CASK: variants seen among roughly 807,000 people sequenced by gnomAD.
CASK encodes the protein calcium/calmodulin dependent serine protein kinase.
CASK carries 4 observed loss-of-function variants against 82.9 expected under a neutral mutation model. The ratio of observed to expected loss-of-function variants is 0.05; its 90% CI spans 0.02 to 0.11. CASK has a LOEUF of 0.11. Ranked by LOEUF, CASK falls within the 10% of genes least tolerant of loss-of-function variation. The pLI, the probability that CASK is intolerant of heterozygous loss-of-function variation, is 1.00. For missense variants in CASK, 358 were observed against 720.9 expected, an observed-to-expected ratio of 0.50 and a Z score of 5.76; for synonymous variants, 259 against 253.5, an observed-to-expected ratio of 1.02 and a Z score of -0.20.
chrX:41,598,793 T>TCC (rs1249559069), intron 12 of CASK, among the ~76,000 whole-genome samples: 1 of 112,054 alleles, frequency 8.9e-6, no homozygotes, highest in East Asian at 2.8e-4. Flanking sequence ...AGAATGCCTA[T>TCC]CCTACCTGCA....
In CASK at chrX:41,695,977, T is replaced by C. The variant is rs757295507; in HGVS notation, c.430-24447A>G. ...CTCCCTTTCCGAATAATGTATCATATTAACCAAAACAAGTGGACACTAGGT... is the reference window on the plus strand; with the variant it reads ...CTCCCTTTCCGAATAATGTATCATACTAACCAAAACAAGTGGACACTAGGT... On this transcript the variant is annotated intron_variant, in intron 5 of 26. Transcript: ENST00000378163. 2.5e-6 allele frequency: 3 copies of C among 1,207,501 alleles called. No homozygotes were observed. In the African/African-American group the frequency reaches 5.2e-5, roughly 21 times the overall value.
chrX:41,706,056 C>A (rs1318387064), intron 5 of CASK, among the ~76,000 whole-genome samples: 1 of 111,867 alleles, frequency 8.9e-6, no homozygotes, highest in Non-Finnish European at 1.9e-5. Context: ...AGATGAAACA[C>A]TTCATATTTG....
At chrX:41,545,678 A>G (rs773320718) in intron 21 of CASK, among the ~76,000 whole-genome samples, 37 of 112,001 alleles carry the variant, frequency 3.3e-4, no homozygotes, top group Admixed American at 3.0e-3. Context: ...TTAGCTTGTC[A>G]ATTTCAAAAC....
intron 12 of CASK, among the ~76,000 whole-genome samples, chrX:41,601,439 T>A (rs1481834991): frequency 8.9e-6 from 1 of 112,090 alleles, no homozygotes; most frequent in Non-Finnish European, 1.9e-5. Flanking sequence ...TTCATAACAT[T>A]TTCAAACAAA....
At chrX:41,585,509 G>C (rs2065642057) in intron 14 of CASK, 2 of 112,099 alleles carry the variant, frequency 1.8e-5, no homozygotes, top group African/African-American at 6.5e-5. Flanking sequence ...ACTTTGGGAG[G>C]CTGAGGCGGG....
intron 15 of CASK, among the ~76,000 whole-genome samples, chrX:41,576,582 A>C (rs1355396875): frequency 2.7e-5 from 3 of 112,190 alleles, no homozygotes; most frequent in Non-Finnish European, 5.6e-5. Flanking sequence ...TTATCTGACA[A>C]TAGATCACTG....
At chrX:41,815,332 A>G (rs965487197) in intron 2 of CASK, among the ~76,000 whole-genome samples, 20 of 111,695 alleles carry the variant, frequency 1.8e-4, no homozygotes, top group African/African-American at 5.2e-4. Flanking sequence ...TGAAGAAAGC[A>G]GCAAATTGTA....
chrX:41,805,108 A>G (rs960134505), intron 2 of CASK, among the ~76,000 whole-genome samples: 2 of 111,833 alleles, frequency 1.8e-5, no homozygotes, highest in Non-Finnish European at 3.8e-5. Flanking sequence ...GTTAATTACA[A>G]TGTTCAAACA....
intron 2 of CASK, among the ~76,000 whole-genome samples, chrX:41,833,657 A>C (rs1017284991): frequency 8.9e-6 from 1 of 112,325 alleles, no homozygotes; most frequent in Admixed American, 9.4e-5. Flanking sequence ...CAATAAACCT[A>C]TTTGAAAAAA....
intron 5 of CASK, among the ~76,000 whole-genome samples, chrX:41,730,492 A>G (rs2068375550): frequency 8.9e-6 from 1 of 111,941 alleles, no homozygotes; most frequent in African/African-American, 3.2e-5. Context: ...ATTTACAGTG[A>G]GTATCAATTC....
At chrX:41,730,367 C>CCACA (rs751043526) in intron 5 of CASK, among the ~76,000 whole-genome samples, 1 of 109,565 alleles carries the variant, frequency 9.1e-6, no homozygotes, top group Non-Finnish European at 1.9e-5. Context: ...AAACAAAAAA[C>CCACA]CACACACACA....
rs138888668 is a variant in CASK, at chrX:41,594,542, A to G, written c.1156-4950T>C. Among the ~76,000 whole-genome samples the G allele has an allele frequency of 2.4e-4, 27 of 112,136 alleles. No individual in the cohort carries two copies. The East Asian group carries it at 6.7e-3, about 28-fold the overall frequency. Reference sequence around the variant, plus strand: ...GAGAGAGTCCTTGGGGCAGCTTGACATGTAGCATTTGGGGTCCTAAGCAAA... The same window carrying G: ...GAGAGAGTCCTTGGGGCAGCTTGACGTGTAGCATTTGGGGTCCTAAGCAAA... On this transcript the variant is annotated intron_variant, in intron 12 of 26. Coordinates refer to ENST00000378163, the MANE Select transcript of CASK (RefSeq NM_001367721.1).
chrX:41,822,534 G>C (rs1476984302), intron 2 of CASK, among the ~76,000 whole-genome samples: 1 of 94,994 alleles, frequency 1.1e-5, no homozygotes, highest in Non-Finnish European at 2.1e-5. Context: ...CTCCAGCCTG[G>C]GCGACAGAGT....
At chrX:41,875,424 T>C (rs184443682) in intron 1 of CASK, among the ~76,000 whole-genome samples, 1 of 111,635 alleles carries the variant, frequency 9.0e-6, no homozygotes, top group African/African-American at 3.3e-5. Context: ...GCAGAACATC[T>C]TGGTGTACTG....
chrX:41,726,078 G>T (rs1318189828), intron 5 of CASK, among the ~76,000 whole-genome samples: 2 of 112,067 alleles, frequency 1.8e-5, no homozygotes, highest in Non-Finnish European at 3.8e-5. Flanking sequence ...CTCCCAAAGT[G>T]CTGGGATAAC....
intron 5 of CASK, among the ~76,000 whole-genome samples, chrX:41,706,779 G>C (rs953800090): frequency 9.0e-6 from 1 of 111,652 alleles, no homozygotes; most frequent in Non-Finnish European, 1.9e-5. Context: ...AGTCTCCCAC[G>C]TAGTAGGGAC....
intron 5 of CASK, chrX:41,726,929 C>A: frequency 2.4e-6 from 1 of 418,615 alleles, no homozygotes; most frequent in Non-Finnish European, 3.9e-6. Context: ...TTTTTAAAAA[C>A]TATTCAGCTT....
chrX:41,792,701 C>A (rs1224842727), intron 2 of CASK, among the ~76,000 whole-genome samples: 2 of 111,723 alleles, frequency 1.8e-5, no homozygotes, highest in Admixed American at 1.9e-4. Flanking sequence ...AGGTAAAATT[C>A]ATTTTGATAA....
rs994201823 is a variant in CASK at position 41,824,537 on chromosome X, C to T, written c.172+28578G>A. On this transcript the variant is annotated intron_variant, in intron 2 of 26. Transcript: ENST00000378163. ...TTTATCTGCAGTGCACAGTGGCCAG[C>T]AGCATGCATCTTTCCATGTGCAGCT... 3.6e-5 allele frequency among the ~76,000 whole-genome samples: 4 copies of T among 112,466 alleles called. No individual in the cohort carries two copies. The Admixed American group carries it at 3.8e-4, about 11-fold the overall frequency.
Sources: allele counts gnomAD v4.1 joint callset (sites outside exome capture counted in the v4.1 genomes callset), GRCh38; gene constraint gnomAD v4.1.1; transcripts MANE v1.5; gene names NCBI Gene and HGNC (gene_info 2026-07-23, HGNC 2026-07-21).